The following EML4 variants were observed in gnomAD, a reference collection of about 807,000 sequenced individuals.
The protein encoded by EML4 is EMAP like 4, also known as echinoderm microtubule-associated protein-like 4.
EML4 carries 72 observed loss-of-function variants against 129.0 expected under a neutral mutation model. That is an observed-to-expected ratio of 0.56 (90% CI 0.46 to 0.68). The LOEUF (loss-of-function observed/expected upper bound fraction) is 0.68. Ranked by LOEUF, EML4 falls within the 30% of genes least tolerant of loss-of-function variation. The pLI is 0.00. For missense variants in EML4, 1,363 were observed against 1,190.6 expected, an observed-to-expected ratio of 1.14 and a Z score of -2.13; for synonymous variants, 532 against 405.0, an observed-to-expected ratio of 1.31 and a Z score of -3.77.
At chr2:42,186,445 T>A (rs1051800725) in intron 1 of EML4, among the ~76,000 whole-genome samples, 1 of 152,206 alleles carries the variant, frequency 6.6e-6, no homozygotes, top group Non-Finnish European at 1.5e-5. Flanking sequence ...AAACAACAGA[T>A]AAGATAAAGA....
rs78591115 is a variant in EML4 at position 42,263,427 on chromosome 2, A to T, written c.641+121A>T. ...TTTTTTTTTTTTTTTTTTTTTTGTG[A>T]CAGAGTCTTGCTCTGTCGCCAGGCT... is the stretch of plus-strand genomic sequence containing the variant. On this transcript the variant is annotated intron_variant, in intron 5 of 22. Coordinates refer to ENST00000318522, the MANE Select transcript of EML4 (RefSeq NM_019063.5). 1,109 of 831,912 alleles carry T rather than the reference A, an allele frequency of 1.3e-3. 13 individuals carry two copies. In the African/African-American group the frequency reaches 0.025, roughly 18 times the overall value. 51.5% of individuals were successfully genotyped at this position (831,912 alleles called of 1,614,324 possible). A position where few individuals can be genotyped will look rare whatever the true frequency, so the allele number is the denominator to read the frequency against.
intron 1 of EML4, among the ~76,000 whole-genome samples, chr2:42,195,557 G>A (rs899962064): frequency 2.0e-5 from 3 of 152,112 alleles, no homozygotes; most frequent in Non-Finnish European, 4.4e-5. Flanking sequence ...TAAAATGTAC[G>A]TTTGCATATG....
intron 2 of EML4, 126 bp downstream of exon 2, chr2:42,245,813 G>T: frequency 7.6e-6 from 7 of 923,016 alleles, no homozygotes; most frequent in South Asian, 5.3e-5. Flanking sequence ...TTTCCATTTC[G>T]TTTTTTTAAT....
Position 42,169,640 on chromosome 2 carries a change from A to G in EML4, c.25+4A>G. ...GACGGTTTCGCCGGCAGTCTCGGTGAGTACGGCTGGGGAGTCCTGCGTCTT... is the reference window on the plus strand; with the variant it reads ...GACGGTTTCGCCGGCAGTCTCGGTGGGTACGGCTGGGGAGTCCTGCGTCTT... On this transcript the variant is annotated splice_donor_region_variant and intron_variant, in intron 1 of 22. Transcript: ENST00000318522. The G allele has an allele frequency of 6.2e-7, 1 of 1,601,612 alleles. No homozygotes were observed.
intron 6 of EML4, among the ~76,000 whole-genome samples, chr2:42,265,357 A>C (rs1665998266): frequency 6.6e-6 from 1 of 152,110 alleles, no homozygotes; most frequent in African/African-American, 2.4e-5. Context: ...AGCCCGCCTC[A>C]GCCTCCCAAA....
intron 17 of EML4, among the ~76,000 whole-genome samples, chr2:42,314,556 G>T (rs981505915): frequency 2.6e-5 from 4 of 152,142 alleles, no homozygotes; most frequent in African/African-American, 9.7e-5. Flanking sequence ...GTCTTGTCCT[G>T]TTTTTTCCAT....
At chr2:42,188,706 A>G (rs940139269) in intron 1 of EML4, among the ~76,000 whole-genome samples, 1 of 152,002 alleles carries the variant, frequency 6.6e-6, no homozygotes, top group Non-Finnish European at 1.5e-5. Context: ...TTGTGTTTTT[A>G]GTAGAGATGG....
chr2:42,321,592 A>G (rs189892780), intron 19 of EML4, among the ~76,000 whole-genome samples: 4 of 151,698 alleles, frequency 2.6e-5, no homozygotes, highest in Non-Finnish European at 4.4e-5. Context: ...ACAAAAGAGC[A>G]CTCCTTCCAC....
intron 17 of EML4, among the ~76,000 whole-genome samples, chr2:42,311,201 A>ATAGTTT (rs1449302783): frequency 6.6e-6 from 1 of 152,202 alleles, no homozygotes; most frequent in Non-Finnish European, 1.5e-5. Flanking sequence ...AAGAGATAAA[A>ATAGTTT]TTACATAGTT....
At chr2:42,186,468 A>T (rs1409151990) in intron 1 of EML4, among the ~76,000 whole-genome samples, 1 of 152,236 alleles carries the variant, frequency 6.6e-6, no homozygotes, top group African/African-American at 2.4e-5. Flanking sequence ...CATTCCTAAG[A>T]AATGTATGAG....
At chr2:42,273,524 A>G (rs1412378963) in intron 6 of EML4, among the ~76,000 whole-genome samples, 1 of 152,204 alleles carries the variant, frequency 6.6e-6, no homozygotes, top group Non-Finnish European at 1.5e-5. Context: ...TAACAGGTGC[A>G]CAAGACATGG....
intron 1 of EML4, among the ~76,000 whole-genome samples, chr2:42,205,074 G>A (rs975898721): frequency 6.6e-6 from 1 of 152,054 alleles, no homozygotes; most frequent in Non-Finnish European, 1.5e-5. Flanking sequence ...TTGTATATTA[G>A]GTGTTGAGGT....
intron 11 of EML4, among the ~76,000 whole-genome samples, chr2:42,294,763 T>A (rs765955654): frequency 6.6e-6 from 1 of 152,134 alleles, no homozygotes; most frequent in Non-Finnish European, 1.5e-5. Context: ...GATAAGACTT[T>A]CTTTTCTTTC....
At chr2:42,277,840 T>TA (rs748754566) in intron 6 of EML4, among the ~76,000 whole-genome samples, 30 of 152,338 alleles carry the variant, frequency 2.0e-4, no homozygotes, top group Non-Finnish European at 3.5e-4. Context: ...GTGCTGGGAT[T>TA]ACAGGCATGA....
chr2:42,325,176 G>T (rs760541268), intron 19 of EML4: 1 of 534,194 alleles, frequency 1.9e-6, no homozygotes. Context: ...GGTGTGGTAT[G>T]TGTTGCAATG....
intron 19 of EML4, among the ~76,000 whole-genome samples, chr2:42,320,270 C>T (rs1669452571): frequency 6.6e-6 from 1 of 151,548 alleles, no homozygotes; most frequent in South Asian, 2.1e-4. Context: ...GGGAGGGTCA[C>T]TGGAGTCCAG....
chr2:42,186,348 A>G (rs1023288554), intron 1 of EML4, among the ~76,000 whole-genome samples: 1 of 152,218 alleles, frequency 6.6e-6, no homozygotes, highest in Non-Finnish European at 1.5e-5. Context: ...TTGAAAAAAA[A>G]AAACTTTTTA....
At chr2:42,272,605 A>G (rs1003428937) in intron 6 of EML4, among the ~76,000 whole-genome samples, 6 of 152,184 alleles carry the variant, frequency 3.9e-5, no homozygotes, top group African/African-American at 9.7e-5. Context: ...ATTTCTAACT[A>G]TGAAAATATT....
chr2:42,253,429 C>T (rs1165562337), intron 2 of EML4, among the ~76,000 whole-genome samples: 2 of 152,112 alleles, frequency 1.3e-5, no homozygotes, highest in African/African-American at 4.8e-5. Context: ...ATAGGAAATA[C>T]TTCTTTCTAA....
Sources: gnomAD v4.1 joint callset for allele counts (sites outside exome capture counted in the v4.1 genomes callset) on GRCh38, gnomAD v4.1.1 for gene constraint, MANE v1.5 for transcripts, NCBI Gene and HGNC (gene_info 2026-07-23, HGNC 2026-07-21) for gene names.